The following ACOX3 variants were observed in gnomAD, a reference collection of about 807,000 sequenced individuals.
ACOX3 encodes the protein peroxisomal acyl-coenzyme A oxidase 3.
Under a neutral mutation model 81.5 loss-of-function variants are expected in ACOX3, and 73 were observed. The ratio of observed to expected loss-of-function variants is 0.90; its 90% CI spans 0.74 to 1.09. The LOEUF (loss-of-function observed/expected upper bound fraction) is 1.09. Among genes scored for constraint, ACOX3 ranks in the 50% least tolerant of loss-of-function variants. ACOX3 has a pLI of 0.00. For missense variants in ACOX3, 947 were observed against 928.0 expected, an observed-to-expected ratio of 1.02 and a Z score of -0.27; for synonymous variants, 387 against 375.1, an observed-to-expected ratio of 1.03 and a Z score of -0.37.
chr4:8,397,147 C>G (rs1234471036), intron 8 of ACOX3, 28 bp from the exon 9 acceptor site: 2 of 1,518,302 alleles, frequency 1.3e-6, no homozygotes, highest in African/African-American at 1.4e-5. Context: ...ATGATAAGCT[C>G]AAGCCCGGCT....
At position 8,414,280 on chromosome 4, in the gene ACOX3, G is replaced by A; in HGVS notation, c.543+12C>T. 6.2e-7 allele frequency: 1 copy of A among 1,610,646 alleles called. No homozygotes were observed. The highest frequency in any genetic ancestry group is 8.5e-7 in the Non-Finnish European group (1 of 1,176,850). ...CTCCAAACTCAGGGACCCGGGGGAA[G>A]GTAATACCTACCTCAGTGGCAGGAT... On this transcript the variant is annotated intron_variant, in intron 5 of 17. Coordinates refer to ENST00000356406, the MANE Select transcript of ACOX3 (RefSeq NM_003501.3). The surrounding 1 kb of genome is among the most constrained non-coding windows in gnomAD (Gnocchi z 6.1).
At position 8,394,912 on chromosome 4, in the gene ACOX3, C is replaced by A. The variant is rs868263842; in HGVS notation, c.1057-170G>T. On this transcript the variant is annotated intron_variant, in intron 9 of 17. Coordinates refer to ENST00000356406, the MANE Select transcript of ACOX3 (RefSeq NM_003501.3). This position sits in a 1 kb window ranked among gnomAD's most constrained non-coding sequence, Gnocchi z 5.9. ...ACATCAGAAAGCCTTCACCCTGACA[C>A]GCTCTCAACTCAGCCAGTTCGGCTT... 1 of 874,946 alleles carries A rather than the reference C, an allele frequency of 1.1e-6. No individual in the cohort carries two copies. 54.2% of individuals were successfully genotyped at this position (874,946 alleles called of 1,614,324 possible).
rs1308308549 is a variant in ACOX3, at chr4:8,400,271, T to TAAC, written c.777-620_777-619insGTT. On this transcript the variant is annotated intron_variant, in intron 7 of 17. Transcript: ENST00000356406. The surrounding 1 kb of genome is among the most constrained non-coding windows in gnomAD (Gnocchi z 4.4). The stretch of plus-strand genomic sequence containing the variant: ...ACCTCAATAATAATAATAATAATAA[T>TAAC]AATAATAATAATAAAAGCATTGTGT... Among the ~76,000 whole-genome samples the TAAC allele has an allele frequency of 1.3e-5, 2 of 150,812 alleles. No homozygotes were observed. The highest frequency in any genetic ancestry group is 2.9e-5 in the Non-Finnish European group (2 of 67,812).
In ACOX3 at chr4:8,416,554, C is replaced by G; in HGVS notation, c.-14-19G>C. On this transcript the variant is annotated intron_variant, in intron 1 of 17. Coordinates refer to ENST00000356406, the MANE Select transcript of ACOX3 (RefSeq NM_003501.3). This position sits in a 1 kb window ranked among gnomAD's most constrained non-coding sequence, Gnocchi z 4.2. ...TAAGAGCCTGCACAAAACATGCAAC[C>G]TGAATCCATGCTCTCCCATCTATGG... is the stretch of plus-strand genomic sequence containing the variant. 6.4e-7 allele frequency: 1 copy of G among 1,557,940 alleles called. No individual in the cohort carries two copies. The highest frequency in any genetic ancestry group is 8.7e-7 in the Non-Finnish European group (1 of 1,151,186).
chr4:8,420,579 G>A (rs1722827773), intron 1 of ACOX3, among the ~76,000 whole-genome samples: 1 of 152,196 alleles, frequency 6.6e-6, no homozygotes, highest in Non-Finnish European at 1.5e-5. Flanking sequence ...CACAGGGGGA[G>A]GCACAATGAT....
At position 8,414,487 on chromosome 4, in the gene ACOX3, A is replaced by G. The variant is rs1292510374; in HGVS notation, c.454-106T>C. The G allele has an allele frequency of 9.5e-7, 1 of 1,056,814 alleles. No homozygotes were observed. Among genetic ancestry groups the G allele is most frequent in the East Asian group, 2.5e-5 (1 of 39,556 alleles). 65.5% of individuals were successfully genotyped at this position (1,056,814 alleles called of 1,614,324 possible). A position where few individuals can be genotyped will look rare whatever the true frequency, so the allele number is the denominator to read the frequency against. ...CCTTTAAAGATGAAACCACATATCA[A>G]AGCCCCAAATTTCCATCTACCCAAC... On this transcript the variant is annotated intron_variant, in intron 4 of 17. Transcript: ENST00000356406. This position sits in a 1 kb window ranked among gnomAD's most constrained non-coding sequence, Gnocchi z 6.1.
At chr4:8,387,122 C>T (rs866798232) in intron 13 of ACOX3, among the ~76,000 whole-genome samples, 1 of 152,230 alleles carries the variant, frequency 6.6e-6, no homozygotes, top group Admixed American at 6.5e-5. Flanking sequence ...TGTGGCACCT[C>T]GAGGGCGGTT....
At chr4:8,397,190 C>A in intron 8 of ACOX3, 71 bp from the exon 9 acceptor site, 3 of 1,402,020 alleles carry the variant, frequency 2.1e-6, no homozygotes, top group Non-Finnish European at 1.9e-6. Flanking sequence ...GGCTCAGAGG[C>A]GAAGGTGCCC....
intron 17 of ACOX3, among the ~76,000 whole-genome samples, chr4:8,369,971 C>T (rs2108782699): frequency 6.6e-6 from 1 of 152,340 alleles, no homozygotes; most frequent in Non-Finnish European, 1.5e-5. Context: ...TGCTGGAAGG[C>T]ACCCAGTGGA....
chr4:8,393,615 GCACACACACACACACACACACGCACACA>G (rs1449073835), intron 10 of ACOX3, among the ~76,000 whole-genome samples: 5 of 140,578 alleles, frequency 3.6e-5, no homozygotes, highest in African/African-American at 1.4e-4. Context: ...ACACACACAC[GCACACACACACACACACACACGCACACA>G]CACACACACA....
chr4:8,394,351 T>C lies in ACOX3; in HGVS notation c.1179+269A>G, dbSNP rs936885270. On this transcript the variant is annotated intron_variant, in intron 10 of 17. Coordinates refer to ENST00000356406, the MANE Select transcript of ACOX3 (RefSeq NM_003501.3). The surrounding 1 kb of genome is among the most constrained non-coding windows in gnomAD (Gnocchi z 5.9). ...TAACGTGGATTTTGCAAAACCGTCA[T>C]GTTCTCAAAAGGAGACCAACAGCTG... Among the ~76,000 whole-genome samples the C allele has an allele frequency of 6.6e-6, 1 of 152,190 alleles. No homozygotes were observed. Among genetic ancestry groups the C allele is most frequent in the African/African-American group, 2.4e-5 (1 of 41,450 alleles).
At chr4:8,376,166 G>A (rs1012103483) in intron 14 of ACOX3, among the ~76,000 whole-genome samples, 5 of 152,048 alleles carry the variant, frequency 3.3e-5, no homozygotes, top group Non-Finnish European at 7.4e-5. Context: ...CTACAGCCTC[G>A]CCAGCATCTG....
At chr4:8,396,673 G>A (rs1455730715) in intron 9 of ACOX3, among the ~76,000 whole-genome samples, 2 of 131,326 alleles carry the variant, frequency 1.5e-5, no homozygotes, top group Non-Finnish European at 3.1e-5. Flanking sequence ...GCAAGGCTCC[G>A]TCTGGGAAAA....
At chr4:8,424,010 G>A (rs967449491) in intron 1 of ACOX3, among the ~76,000 whole-genome samples, 5 of 152,170 alleles carry the variant, frequency 3.3e-5, no homozygotes, top group Admixed American at 1.3e-4. Context: ...GCCACCTGTG[G>A]CTACAAGGTT....
chr4:8,382,796 T>A lies in ACOX3; in HGVS notation c.1538-1189A>T, dbSNP rs1717840318. 6.6e-6 allele frequency among the ~76,000 whole-genome samples: 1 copy of A among 151,612 alleles called. No individual in the cohort carries two copies. The highest frequency in any genetic ancestry group is 6.6e-5 in the Admixed American group (1 of 15,244). ...TCACGAGGTCAGGAGATCGAGACCA[T>A]CCTGGCTAACACGGTGAAACCCCGT... is the stretch of plus-strand genomic sequence containing the variant. On this transcript the variant is annotated intron_variant, in intron 13 of 17. Transcript: ENST00000356406. The surrounding 1 kb of genome is among the most constrained non-coding windows in gnomAD (Gnocchi z 4.1).
chr4:8,366,875 G>A lies in ACOX3; in HGVS notation c.*86C>T, dbSNP rs867619595. ...GGCTCAGAAAGCAGCAGCAATCTCC[G>A]GCGTGTTCTGGAATCAGAAGTTGAG... is the stretch of plus-strand genomic sequence containing the variant. On this transcript the variant is annotated 3_prime_UTR_variant, in exon 18 of 18. Transcript: ENST00000356406. 23 of 1,545,166 alleles carry A rather than the reference G, an allele frequency of 1.5e-5. No individual in the cohort carries two copies. The highest frequency in any genetic ancestry group is 3.7e-4 in the Middle Eastern group (2 of 5,398).
At chr4:8,412,311 T>C (rs1721814916) in intron 5 of ACOX3, among the ~76,000 whole-genome samples, 1 of 152,274 alleles carries the variant, frequency 6.6e-6, no homozygotes, top group Non-Finnish European at 1.5e-5. Context: ...CTCTTATCCC[T>C]GCTGGGCTAC....
intron 1 of ACOX3, among the ~76,000 whole-genome samples, chr4:8,418,418 C>T (rs1030333715): frequency 1.4e-5 from 2 of 141,278 alleles, no homozygotes; most frequent in African/African-American, 5.3e-5. Flanking sequence ...AAGATTGCAC[C>T]ACTGCATTCC....
At chr4:8,401,872 G>C (rs1478311370) in intron 7 of ACOX3, among the ~76,000 whole-genome samples, 1 of 152,166 alleles carries the variant, frequency 6.6e-6, no homozygotes, top group Non-Finnish European at 1.5e-5. Flanking sequence ...GGCCCACCTG[G>C]GAATTCTATG....
Sources: allele counts gnomAD v4.1 joint callset (sites outside exome capture counted in the v4.1 genomes callset), GRCh38; gene constraint gnomAD v4.1.1; non-coding constraint Gnocchi (gnomAD v3.1); transcripts MANE v1.5; gene names NCBI Gene and HGNC (gene_info 2026-07-23, HGNC 2026-07-21).